Variants in DNAH7 observed in about 807,000 individuals in gnomAD.
The protein encoded by DNAH7 is axonemal beta dynein heavy chain 7.
In DNAH7, 397 loss-of-function variants were observed where a neutral mutation model predicts 444.6. The ratio of observed to expected loss-of-function variants is 0.89; its 90% CI spans 0.82 to 0.97. The LOEUF (loss-of-function observed/expected upper bound fraction) is 0.97, where lower values mean the gene tolerates loss of function less well. Ranked by LOEUF, DNAH7 falls within the 50% of genes least tolerant of loss-of-function variation. DNAH7 has a pLI of 0.00. For missense variants in DNAH7, 4,902 were observed against 4,800.8 expected (o/e 1.02, Z -0.62); for synonymous variants, 1,636 against 1,624.4 (o/e 1.01, Z -0.17).
chr2:195,771,946 G>C, intron 60 of DNAH7, 56 bp from the exon 61 acceptor site: 1 of 1,407,456 alleles, frequency 7.1e-7, no homozygotes, highest in Non-Finnish European at 1.0e-6. Context: ...AACAATAGCT[G>C]AATAGGAAAA....
At chr2:196,030,100 C>A (rs140946852) in intron 5 of DNAH7, among the ~76,000 whole-genome samples, 1 of 151,970 alleles carries the variant, frequency 6.6e-6, no homozygotes, top group Non-Finnish European at 1.5e-5. Context: ...TGAGACTGGG[C>A]AATTTAAAAA....
intron 10 of DNAH7, among the ~76,000 whole-genome samples, chr2:196,009,230 T>C (rs1314250647): frequency 2.6e-5 from 4 of 152,130 alleles, no homozygotes; most frequent in Admixed American, 2.6e-4. Context: ...GCATCCAAAC[T>C]ATACGGCATG....
chr2:195,955,574 A>G (rs1690590866), intron 19 of DNAH7, among the ~76,000 whole-genome samples: 1 of 147,724 alleles, frequency 6.8e-6, no homozygotes, highest in Admixed American at 6.7e-5. Context: ...TTTAGAAATT[A>G]GGGTAAGTAA....
At chr2:195,753,690 T>C (rs951524546) in intron 63 of DNAH7, among the ~76,000 whole-genome samples, 1 of 152,206 alleles carries the variant, frequency 6.6e-6, no homozygotes, top group Non-Finnish European at 1.5e-5. Context: ...AAAAAATAAC[T>C]CTTATTTAAA....
At position 195,870,497 on chromosome 2, in the gene DNAH7, A is replaced by T. The variant is rs978563855; in HGVS notation, c.6633+1753T>A. 5.3e-5 allele frequency among the ~76,000 whole-genome samples: 8 copies of T among 152,198 alleles called. No individual in the cohort carries two copies. The South Asian group carries it at 1.7e-3, about 32-fold the overall frequency. On this transcript the variant is annotated intron_variant, in intron 40 of 64. Coordinates refer to ENST00000312428, the MANE Select transcript of DNAH7 (RefSeq NM_018897.3). ...TGCCAAATGCTTCCTCGTGAGTTAG[A>T]TTCACCCATGACAAAATGCTGCCTT... is the stretch of plus-strand genomic sequence containing the variant.
chr2:195,878,417 G>A (rs945825245), intron 36 of DNAH7, among the ~76,000 whole-genome samples: 2 of 151,886 alleles, frequency 1.3e-5, no homozygotes, highest in African/African-American at 2.4e-5. Flanking sequence ...GATCAGCCTC[G>A]GCCACATAGC....
chr2:196,020,529 T>C (rs1441328398), intron 8 of DNAH7, among the ~76,000 whole-genome samples: 2 of 152,178 alleles, frequency 1.3e-5, no homozygotes, highest in East Asian at 1.9e-4. Context: ...AGGAGAAAAG[T>C]TGTTCTCCCT....
At chr2:196,009,186 G>A (rs1694572097) in intron 10 of DNAH7, among the ~76,000 whole-genome samples, 1 of 152,074 alleles carries the variant, frequency 6.6e-6, no homozygotes, top group Non-Finnish European at 1.5e-5. Flanking sequence ...CAACACTAGG[G>A]ATTACGTTTC....
In DNAH7 at chr2:195,737,986, A is replaced by C; in HGVS notation, c.12010T>G (p.Ser4004Ala). Residue 4004 changes from serine to alanine, a missense_variant, in exon 65 of 65, where the codon TCT becomes GCT. Coordinates refer to ENST00000312428, the MANE Select transcript of DNAH7 (RefSeq NM_018897.3). ...ATCCAGTGTTCCTTGGGTTGGTCAG[A>C]GGGAAGAGTCATGGCAATCACAAAA... Reference protein sequence around the residue: ...TNFVIAMTLPSDQPKEHWIGR... With the variant: ...TNFVIAMTLPADQPKEHWIGR... 6 of 1,614,100 alleles carry C rather than the reference A, an allele frequency of 3.7e-6. No homozygotes were observed. The highest frequency in any genetic ancestry group is 5.1e-6 in the Non-Finnish European group (6 of 1,179,950).
intron 5 of DNAH7, among the ~76,000 whole-genome samples, chr2:196,030,657 G>A (rs1695994043): frequency 6.6e-6 from 1 of 152,216 alleles, no homozygotes; most frequent in Non-Finnish European, 1.5e-5. Context: ...CCAGATGGGA[G>A]AAATTGGCCA....
chr2:195,965,945 A>G (rs1297170171), intron 17 of DNAH7, among the ~76,000 whole-genome samples: 1 of 151,646 alleles, frequency 6.6e-6, no homozygotes, highest in African/African-American at 2.4e-5. Context: ...TCTTCATTGC[A>G]ATTTTTAAAT....
At chr2:195,766,106 C>T (rs953926270) in intron 61 of DNAH7, among the ~76,000 whole-genome samples, 8 of 148,166 alleles carry the variant, frequency 5.4e-5, no homozygotes, top group East Asian at 2.0e-4. Flanking sequence ...TTATGTTAAG[C>T]GAAAAAAGCC....
At chr2:196,045,202 A>G (rs1327879598) in intron 5 of DNAH7, among the ~76,000 whole-genome samples, 1 of 145,324 alleles carries the variant, frequency 6.9e-6, no homozygotes, top group African/African-American at 2.6e-5. Flanking sequence ...GGAGGAGGAA[A>G]AGGAGGAGGA....
chr2:195,902,076 A>C (rs1399519750), intron 27 of DNAH7: 1 of 152,216 alleles, frequency 6.6e-6, no homozygotes, highest in Non-Finnish European at 1.5e-5. Flanking sequence ...TGACAATCAT[A>C]GTCAGATAGT....
intron 21 of DNAH7, among the ~76,000 whole-genome samples, chr2:195,933,044 G>T (rs904779044): frequency 6.6e-6 from 1 of 152,186 alleles, no homozygotes; most frequent in Middle Eastern, 3.4e-3. Flanking sequence ...GAATCCATCT[G>T]GTCCTGGACT....
chr2:195,931,168 C>T (rs60865511), intron 21 of DNAH7, among the ~76,000 whole-genome samples: 14,014 of 152,042 alleles, frequency 0.092, 715 homozygotes, highest in African/African-American at 0.13. Flanking sequence ...GCACATGTAC[C>T]CCTGAATCTA....
At chr2:195,990,818 T>C (rs970351944) in intron 12 of DNAH7, among the ~76,000 whole-genome samples, 1 of 146,694 alleles carries the variant, frequency 6.8e-6, no homozygotes, top group South Asian at 2.1e-4. Context: ...TGTGTATATA[T>C]ATATACTTAA....
intron 5 of DNAH7, among the ~76,000 whole-genome samples, chr2:196,032,935 C>A (rs1696148319): frequency 6.6e-6 from 1 of 152,142 alleles, no homozygotes; most frequent in African/African-American, 2.4e-5. Context: ...GAGAGGAATG[C>A]AAGGTTGCAC....
intron 45 of DNAH7, among the ~76,000 whole-genome samples, chr2:195,853,941 G>A (rs899107893): frequency 6.6e-6 from 1 of 152,058 alleles, no homozygotes; most frequent in African/African-American, 2.4e-5. Flanking sequence ...TAAAGGTTAA[G>A]TGTTTAAAGG....
Sources: gnomAD v4.1 joint callset for allele counts (sites outside exome capture counted in the v4.1 genomes callset) on GRCh38, gnomAD v4.1.1 for gene constraint, MANE v1.5 for transcripts, NCBI Gene and HGNC (gene_info 2026-07-23, HGNC 2026-07-21) for gene names.